The following PPFIA2 variants were observed in gnomAD, a reference collection of about 807,000 sequenced individuals.
PPFIA2 encodes the protein liprin-alpha-2.
PPFIA2 carries 46 observed loss-of-function variants against 175.5 expected under a neutral mutation model. That is an observed-to-expected ratio of 0.26 (90% CI 0.21 to 0.34). The LOEUF (loss-of-function observed/expected upper bound fraction) is 0.34, where lower values mean the gene tolerates loss of function less well. Ranked by LOEUF, PPFIA2 falls within the 10% of genes least tolerant of loss-of-function variation. The pLI is 1.00. For missense variants in PPFIA2, 1,179 were observed against 1,506.1 expected (o/e 0.78, Z 3.60); for synonymous variants, 568 against 511.4 (o/e 1.11, Z -1.49).
chr12:81,433,601 C>T (rs1390871604), intron 7 of PPFIA2, among the ~76,000 whole-genome samples: 1 of 152,118 alleles, frequency 6.6e-6, no homozygotes, highest in Non-Finnish European at 1.5e-5. Flanking sequence ...ACAACTTGTT[C>T]ATTTGATACA....
chr12:81,289,591 T>G (rs1565935896), intron 24 of PPFIA2, among the ~76,000 whole-genome samples: 1 of 151,934 alleles, frequency 6.6e-6, no homozygotes, highest in African/African-American at 2.4e-5. Context: ...GCATTGTAAA[T>G]GTCCAGAAGG....
chr12:81,723,805 C>T (rs1271477258), intron 3 of PPFIA2, among the ~76,000 whole-genome samples: 1 of 150,884 alleles, frequency 6.6e-6, no homozygotes, highest in Non-Finnish European at 1.5e-5. Flanking sequence ...TGGGATAATT[C>T]CCCTTTAAGT....
intron 4 of PPFIA2, among the ~76,000 whole-genome samples, chr12:81,601,916 A>C (rs940461749): frequency 2.6e-5 from 4 of 151,956 alleles, no homozygotes; most frequent in African/African-American, 9.7e-5. Flanking sequence ...CCCATCTTCT[A>C]TTAAAAACCT....
At chr12:81,732,105 C>T (rs192229499) in intron 3 of PPFIA2, among the ~76,000 whole-genome samples, 3 of 151,550 alleles carry the variant, frequency 2.0e-5, no homozygotes, top group Admixed American at 2.0e-4. Flanking sequence ...TGTAAGGGCT[C>T]AGAAAATGTA....
intron 24 of PPFIA2, among the ~76,000 whole-genome samples, chr12:81,288,696 A>T (rs986659116): frequency 6.6e-6 from 1 of 151,740 alleles, no homozygotes; most frequent in African/African-American, 2.4e-5. Context: ...TTACTTTGTA[A>T]TGGAATTACA....
intron 4 of PPFIA2, among the ~76,000 whole-genome samples, chr12:81,648,892 T>C (rs910827767): frequency 6.8e-6 from 1 of 147,666 alleles, no homozygotes; most frequent in Non-Finnish European, 1.5e-5. Context: ...GAAATCATAG[T>C]TTTTTTTTAA....
chr12:81,584,606 G>A (rs75538891), intron 4 of PPFIA2, among the ~76,000 whole-genome samples: 45 of 150,828 alleles, frequency 3.0e-4, no homozygotes, highest in African/African-American at 1.1e-3. Context: ...TCTAGATGGC[G>A]AGCCTACTAC....
chr12:81,276,467 C>A (rs1045294142), intron 28 of PPFIA2, among the ~76,000 whole-genome samples: 1 of 151,856 alleles, frequency 6.6e-6, no homozygotes, highest in African/African-American at 2.4e-5. Flanking sequence ...TATTTTTTTC[C>A]TTCAACAACA....
At chr12:81,304,406 G>T (rs923690169) in intron 22 of PPFIA2, among the ~76,000 whole-genome samples, 2 of 152,170 alleles carry the variant, frequency 1.3e-5, no homozygotes, top group African/African-American at 2.4e-5. Context: ...ACATTCCAGT[G>T]AGGAAGGAAG....
chr12:81,427,608 CA>C (rs560023767), intron 7 of PPFIA2, among the ~76,000 whole-genome samples: 12 of 151,328 alleles, frequency 7.9e-5, no homozygotes, highest in East Asian at 3.9e-4. Flanking sequence ...TTTCAAAATA[CA>C]AAAAAAAGGA....
intron 3 of PPFIA2, 130 bp downstream of exon 3, chr12:81,753,843 T>C (rs935024231): frequency 1.7e-6 from 2 of 1,165,304 alleles, no homozygotes; most frequent in African/African-American, 3.1e-5. Context: ...CATCTATTCC[T>C]AAGTTGTTCT....
intron 8 of PPFIA2, among the ~76,000 whole-genome samples, chr12:81,401,781 C>A (rs1261978623): frequency 2.6e-5 from 4 of 152,108 alleles, no homozygotes; most frequent in Non-Finnish European, 1.5e-5. Context: ...CAATTAACTT[C>A]CATCTAGAAA....
At chr12:81,415,897 G>T (rs1374250959) in intron 7 of PPFIA2, among the ~76,000 whole-genome samples, 1 of 151,132 alleles carries the variant, frequency 6.6e-6, no homozygotes, top group Non-Finnish European at 1.5e-5. Context: ...TCTTCTTTTT[G>T]TCTAATCAGT....
At chr12:81,641,700 C>A (rs775375946) in intron 4 of PPFIA2, among the ~76,000 whole-genome samples, 135 of 152,116 alleles carry the variant, frequency 8.9e-4, no homozygotes, top group Admixed American at 4.6e-4. Context: ...ATAAACAAGC[C>A]CAGCCAAGTT....
In PPFIA2 at chr12:81,367,125, C is replaced by A; in HGVS notation, c.1528G>T (p.Glu510Ter). 1 of 1,436,378 alleles carries A rather than the reference C, an allele frequency of 7.0e-7. No individual in the cohort carries two copies. Among genetic ancestry groups the A allele is most frequent in the East Asian group, 2.6e-5 (1 of 38,040 alleles). The allele number at this position is 1,436,378 out of a possible 1,614,324, so 89.0% of individuals were successfully genotyped here. A position where few individuals can be genotyped will look rare whatever the true frequency, so the allele number is the denominator to read the frequency against. Reference sequence around the variant, plus strand: ...CATTATACCTTATCATGTAAAGATTCTTCAAGATTCTTTCTGAAAGTTTCT... The same window carrying A: ...CATTATACCTTATCATGTAAAGATTATTCAAGATTCTTTCTGAAAGTTTCT... The part of the protein sequence containing the change: ...ESETFRKNLE[E>*]SLHDKERLAE... The change falls in exon 14 of 33, where the codon GAA becomes TAA. Residue 510 changes from glutamate (E) to a stop codon, truncating the protein, a stop_gained. Transcript: ENST00000549396. LOFTEE classifies it high-confidence loss of function.
chr12:81,553,158 C>T (rs2068233177), intron 4 of PPFIA2, among the ~76,000 whole-genome samples: 1 of 151,786 alleles, frequency 6.6e-6, no homozygotes, highest in Non-Finnish European at 1.5e-5. Context: ...CTTAGGCGAG[C>T]TGTAATCTGA....
At chr12:81,516,880 A>T (rs776537200) in intron 4 of PPFIA2, among the ~76,000 whole-genome samples, 1 of 152,156 alleles carries the variant, frequency 6.6e-6, no homozygotes, top group Non-Finnish European at 1.5e-5. Flanking sequence ...AGGTTAACTA[A>T]GGAAAGATCT....
rs141173748 is a variant in PPFIA2, at chr12:81,490,258, G to A, written c.304-32392C>T. ...AATTCGTTTTTTAATTATTTCCTGCGAATATTGCTTTGTAGGATATTTCTA... is the reference window on the plus strand; with the variant it reads ...AATTCGTTTTTTAATTATTTCCTGCAAATATTGCTTTGTAGGATATTTCTA... On this transcript the variant is annotated intron_variant, in intron 4 of 32. Transcript: ENST00000549396. Among the ~76,000 whole-genome samples, 254 of 151,930 alleles carry A rather than the reference G, an allele frequency of 1.7e-3. 2 individuals carry two copies. The highest frequency in any genetic ancestry group is 6.0e-3 in the African/African-American group (247 of 41,472).
intron 28 of PPFIA2, among the ~76,000 whole-genome samples, chr12:81,277,000 C>G (rs1270837690): frequency 6.6e-6 from 1 of 152,004 alleles, no homozygotes; most frequent in Non-Finnish European, 1.5e-5. Context: ...TGAGAATGTT[C>G]CATTAAAAGT....
Sources: gnomAD v4.1 joint callset for allele counts (sites outside exome capture counted in the v4.1 genomes callset) on GRCh38, gnomAD v4.1.1 for gene constraint, MANE v1.5 for transcripts, NCBI Gene and HGNC (gene_info 2026-07-23, HGNC 2026-07-21) for gene names.